The following MAPK8 variants were observed in gnomAD, a reference collection of about 807,000 sequenced individuals.
MAPK8 encodes the protein mitogen-activated protein kinase 8, also known as JUN N-terminal kinase.
MAPK8 carries 13 observed loss-of-function variants against 52.9 expected under a neutral mutation model. The ratio of observed to expected loss-of-function variants is 0.25; its 90% CI spans 0.16 to 0.39. The LOEUF is 0.39. Among genes scored for constraint, MAPK8 ranks in the 10% least tolerant of loss-of-function variants. The probability of loss-of-function intolerance (pLI) is 1.00; values close to 1 mark genes in which losing one functional copy is unlikely to be tolerated. For synonymous variants in MAPK8, 191 were observed against 169.8 expected (o/e 1.12, Z -0.97); for missense variants, 300 against 519.2 (o/e 0.58, Z 4.10).
chr10:48,426,215 G>C, intron 8 of MAPK8, 145 bp downstream of exon 8: 1 of 829,810 alleles, frequency 1.2e-6, no homozygotes. Context: ...TGAGGTTTTT[G>C]TTTTTTTTTT....
intron 1 of MAPK8, among the ~76,000 whole-genome samples, chr10:48,351,067 G>A (rs1846275709): frequency 6.6e-6 from 1 of 152,228 alleles, no homozygotes. Flanking sequence ...CAAGGGATGT[G>A]AAGGACCTCT....
At chr10:48,324,503 G>GTTTTTTTTT (rs370766776) in intron 1 of MAPK8, among the ~76,000 whole-genome samples, 3,402 of 117,788 alleles carry the variant, frequency 0.029, 435 homozygotes, top group African/African-American at 0.11. Context: ...CTGTTTTCTA[G>GTTTTTTTTT]TTTTTTTTTT....
intron 1 of MAPK8, among the ~76,000 whole-genome samples, chr10:48,338,409 AG>A (rs149427378): frequency 0.046 from 7,060 of 152,210 alleles, 549 homozygotes; most frequent in African/African-American, 0.16. Flanking sequence ...TCAACAACCT[AG>A]GCATCAGAGG....
chr10:48,370,880 T>C (rs766559365), intron 1 of MAPK8, among the ~76,000 whole-genome samples: 7 of 152,090 alleles, frequency 4.6e-5, no homozygotes, highest in Non-Finnish European at 1.0e-4. Context: ...AGATTATAAT[T>C]GAACCCATAA....
At chr10:48,328,895 T>C (rs1564487689) in intron 1 of MAPK8, among the ~76,000 whole-genome samples, 1 of 152,238 alleles carries the variant, frequency 6.6e-6, no homozygotes, top group Non-Finnish European at 1.5e-5. Context: ...GTTCAGAAAT[T>C]GAGGATGCGG....
At chr10:48,309,383 A>C (rs1224053903) in intron 1 of MAPK8, among the ~76,000 whole-genome samples, 1 of 152,152 alleles carries the variant, frequency 6.6e-6, no homozygotes, top group Non-Finnish European at 1.5e-5. Flanking sequence ...TATAGCATCG[A>C]TTCTGTTAGT....
At chr10:48,386,203 C>T (rs2041301029) in intron 1 of MAPK8, among the ~76,000 whole-genome samples, 1 of 152,108 alleles carries the variant, frequency 6.6e-6, no homozygotes, top group Non-Finnish European at 1.5e-5. Context: ...AAGAAAATGT[C>T]AGGCATTCGG....
At chr10:48,380,737 A>T (rs563399598) in intron 1 of MAPK8, among the ~76,000 whole-genome samples, 26 of 152,350 alleles carry the variant, frequency 1.7e-4, no homozygotes, top group Middle Eastern at 3.4e-3. Flanking sequence ...CCATCTAAAA[A>T]AAATAAATAA....
intron 11 of MAPK8, 84 bp from the exon 12 acceptor site, chr10:48,434,800 C>A (rs2044712330): frequency 9.7e-6 from 12 of 1,231,504 alleles, no homozygotes; most frequent in Non-Finnish European, 1.2e-5. Flanking sequence ...AAAAAAATTA[C>A]CACTGGAGGC....
At chr10:48,425,144 T>A (rs2133230768) in intron 7 of MAPK8, 2 of 748,836 alleles carry the variant, frequency 2.7e-6, no homozygotes, top group East Asian at 5.0e-5. Context: ...ATTTGTTATG[T>A]GTTTACCAGC....
rs1006152405 is a variant in MAPK8 at position 48,348,918 on chromosome 10, G to A, written c.-50+42097G>A. Among the ~76,000 whole-genome samples, 7 of 148,880 alleles carry A rather than the reference G, an allele frequency of 4.7e-5. No homozygotes were observed. In the Admixed American group the frequency reaches 4.7e-4, roughly 10 times the overall value. On this transcript the variant is annotated intron_variant, in intron 1 of 11. Transcript: ENST00000374189. ...GACACTCATAGGCTCAAAATAAAGGGATGGAGGAATATTTACCAAGCAAAT... is the reference window on the plus strand; with the variant it reads ...GACACTCATAGGCTCAAAATAAAGGAATGGAGGAATATTTACCAAGCAAAT...
At chr10:48,428,382 C>G (rs1346514921) in intron 10 of MAPK8, among the ~76,000 whole-genome samples, 2 of 152,260 alleles carry the variant, frequency 1.3e-5, no homozygotes, top group East Asian at 3.9e-4. Context: ...TCTCACCCTC[C>G]TACACTGCCC....
At chr10:48,395,906 G>A (rs1057282195) in intron 1 of MAPK8, among the ~76,000 whole-genome samples, 1 of 152,014 alleles carries the variant, frequency 6.6e-6, no homozygotes, top group Non-Finnish European at 1.5e-5. Context: ...GCAACAAATG[G>A]TATTAGTATA....
At chr10:48,420,116 A>G (rs376077693) in intron 5 of MAPK8, 39 bp from the exon 6 acceptor site, 11 of 1,475,488 alleles carry the variant, frequency 7.5e-6, no homozygotes, top group African/African-American at 1.4e-5. Flanking sequence ...ATTTTCCTAT[A>G]TATCATGGCA....
chr10:48,427,284 GA>G, intron 10 of MAPK8, 141 bp downstream of exon 10: 1 of 551,442 alleles, frequency 1.8e-6, no homozygotes, highest in Non-Finnish European at 3.2e-6. Context: ...TACATAAGTA[GA>G]AAGTAAGTCT....
At chr10:48,396,744 A>G (rs1002487165) in intron 1 of MAPK8, among the ~76,000 whole-genome samples, 2 of 152,224 alleles carry the variant, frequency 1.3e-5, no homozygotes, top group Non-Finnish European at 2.9e-5. Context: ...CTATTGATAT[A>G]CCAACACCTT....
chr10:48,436,166 G>A lies in MAPK8; in HGVS notation c.*1137G>A, dbSNP rs764185589. On this transcript the variant is annotated 3_prime_UTR_variant, in exon 12 of 12. Coordinates refer to ENST00000374189, the MANE Select transcript of MAPK8 (RefSeq NM_001323329.2). ...GCAATATACCGTTCATCTGAAAATA[G>A]TAGCACACAGCCATATATAGGATAT... 6.6e-6 allele frequency: 1 copy of A among 152,216 alleles called. No homozygotes were observed. Among genetic ancestry groups the A allele is most frequent in the African/African-American group, 2.4e-5 (1 of 41,450 alleles). 9.4% of individuals were successfully genotyped at this position (152,216 alleles called of 1,614,324 possible). A position where few individuals can be genotyped will look rare whatever the true frequency, so the allele number is the denominator to read the frequency against.
intron 5 of MAPK8, among the ~76,000 whole-genome samples, chr10:48,411,431 G>A (rs1393766455): frequency 6.6e-6 from 1 of 152,160 alleles, no homozygotes; most frequent in East Asian, 1.9e-4. Flanking sequence ...ATAGATACAT[G>A]GTTTCATTTT....
At chr10:48,403,917 TTGTGTGTGTGTGTGTG>T (rs71465463) in intron 2 of MAPK8, among the ~76,000 whole-genome samples, 38 of 125,672 alleles carry the variant, frequency 3.0e-4, no homozygotes, top group Non-Finnish European at 4.7e-4. Context: ...CCCGGCTAAT[TTGTGTGTGTGTGTGTG>T]TGTGTGTGTG....
Sources: gnomAD v4.1 joint callset for allele counts (sites outside exome capture counted in the v4.1 genomes callset) on GRCh38, gnomAD v4.1.1 for gene constraint, MANE v1.5 for transcripts, NCBI Gene and HGNC (gene_info 2026-07-23, HGNC 2026-07-21) for gene names.